The following DAAM1 variants were observed in gnomAD, a reference collection of about 807,000 sequenced individuals.
DAAM1 encodes disheveled-associated activator of morphogenesis 1.
DAAM1 carries 52 observed loss-of-function variants against 130.0 expected under a neutral mutation model. That is an observed-to-expected ratio of 0.40 (90% CI 0.32 to 0.50). The LOEUF is 0.50. DAAM1 is among the 20% of genes least tolerant of loss of function. The pLI is 0.61. For synonymous variants in DAAM1, 452 were observed against 444.5 expected (o/e 1.02, Z -0.21); for missense variants, 1,134 against 1,303.8 (o/e 0.87, Z 2.01).
chr14:59,207,864 GA>G (rs1418107961), intron 1 of DAAM1, among the ~76,000 whole-genome samples: 2 of 152,106 alleles, frequency 1.3e-5, no homozygotes, highest in Admixed American at 6.6e-5. Context: ...GTTTTTTCCT[GA>G]CAGCAGTCCC....
At chr14:59,263,338 AGT>A (rs1882268120) in intron 1 of DAAM1, 101 bp from the exon 2 acceptor site, 1 of 956,806 alleles carries the variant, frequency 1.0e-6, no homozygotes, top group Non-Finnish European at 1.6e-6. Context: ...GGGCGCACAC[AGT>A]GTCGTCAGCA....
chr14:59,355,295 C>T lies in DAAM1; in HGVS notation c.2487C>T (p.Ser829=). The T allele has an allele frequency of 6.2e-7, 1 of 1,613,876 alleles. No individual in the cohort carries two copies. ...ATGCATATGGATTCAAGATATCTAG[C>T]CTAAACAAAATTGCTGACACAAAAT... The part of the protein sequence containing the change: ...RGNAYGFKIS[S]LNKIADTKSS... Residue 829 remains serine (S), a synonymous_variant, in exon 20 of 25, where the codon AGC becomes AGT. Transcript: ENST00000360909.
intron 1 of DAAM1, among the ~76,000 whole-genome samples, chr14:59,195,206 C>CAG (rs1887848921): frequency 7.2e-6 from 1 of 139,522 alleles, no homozygotes; most frequent in Non-Finnish European, 1.5e-5. Context: ...TGCAGTGGTG[C>CAG]GATCTCAGCT....
In DAAM1 at chr14:59,320,481, T is replaced by A. The variant is rs1884962978; in HGVS notation, c.346-9T>A. 6.3e-7 allele frequency: 1 copy of A among 1,590,646 alleles called. No homozygotes were observed. The highest frequency in any genetic ancestry group is 1.4e-5 in the African/African-American group (1 of 73,374). On this transcript the variant is annotated splice_polypyrimidine_tract_variant and intron_variant, in intron 4 of 24. Transcript: ENST00000360909. ...ATTTGAAGAAGTAACTTCTGTTTTC[T>A]TTGCATAGAGAAAATCTCTGCTGGC... is the stretch of plus-strand genomic sequence containing the variant.
At chr14:59,361,492 C>T (rs2139684384) in intron 22 of DAAM1, among the ~76,000 whole-genome samples, 1 of 152,310 alleles carries the variant, frequency 6.6e-6, no homozygotes, top group Admixed American at 6.5e-5. Context: ...TTGGAGGAAG[C>T]TTCTCTTTTG....
chr14:59,255,852 A>G (rs1371638320), intron 1 of DAAM1, among the ~76,000 whole-genome samples: 1 of 152,192 alleles, frequency 6.6e-6, no homozygotes, highest in Non-Finnish European at 1.5e-5. Context: ...ATCTTGATTC[A>G]TATAATAGAA....
rs756081795 is a variant in DAAM1 at position 59,354,217 on chromosome 14, C to G, written c.2356+253C>G. On this transcript the variant is annotated intron_variant, in intron 19 of 24. Coordinates refer to ENST00000360909, the MANE Select transcript of DAAM1 (RefSeq NM_001270520.2). ...CTGGGACTACAGGTGCCTGCCACCA[C>G]GCCTGGCTAATTTTTTGTACTTTTA... Among the ~76,000 whole-genome samples the G allele has an allele frequency of 4.6e-5, 7 of 152,118 alleles. No individual in the cohort carries two copies. In the East Asian group the frequency reaches 1.4e-3, roughly 29 times the overall value.
chr14:59,231,564 C>T (rs997183678), intron 1 of DAAM1, among the ~76,000 whole-genome samples: 1 of 152,090 alleles, frequency 6.6e-6, no homozygotes, highest in African/African-American at 2.4e-5. Flanking sequence ...AAGACGTTGG[C>T]TCTAGAGTCA....
chr14:59,282,906 G>A (rs1423022173), intron 2 of DAAM1, among the ~76,000 whole-genome samples: 1 of 152,052 alleles, frequency 6.6e-6, no homozygotes, highest in Non-Finnish European at 1.5e-5. Context: ...CATATGCAGA[G>A]ACCCTACAGT....
At chr14:59,348,438 G>C (rs899338833) in intron 17 of DAAM1, among the ~76,000 whole-genome samples, 2 of 152,086 alleles carry the variant, frequency 1.3e-5, no homozygotes, top group African/African-American at 4.8e-5. Context: ...CCTGCCCCTT[G>C]GTCTGGGCCT....
chr14:59,312,695 A>G (rs1213661619), intron 3 of DAAM1, among the ~76,000 whole-genome samples: 1 of 152,228 alleles, frequency 6.6e-6, no homozygotes, highest in Non-Finnish European at 1.5e-5. Context: ...GCCACTGACC[A>G]GAAATTTGGA....
At chr14:59,290,941 G>A (rs1221312738) in intron 2 of DAAM1, among the ~76,000 whole-genome samples, 1 of 152,140 alleles carries the variant, frequency 6.6e-6, no homozygotes, top group Non-Finnish European at 1.5e-5. Flanking sequence ...GCTCAGGATG[G>A]ATAATTCTGT....
chr14:59,344,789 G>T (rs1161321942), intron 16 of DAAM1, among the ~76,000 whole-genome samples: 2 of 152,156 alleles, frequency 1.3e-5, no homozygotes, highest in Non-Finnish European at 2.9e-5. Flanking sequence ...AAGAAGTTCT[G>T]TGCTCCATAT....
chr14:59,229,894 G>A (rs1199475276), intron 1 of DAAM1, among the ~76,000 whole-genome samples: 1 of 152,208 alleles, frequency 6.6e-6, no homozygotes, highest in Non-Finnish European at 1.5e-5. Flanking sequence ...TCACCAGGTT[G>A]AAGTGAATGC....
chr14:59,217,049 T>C (rs1273910956), intron 1 of DAAM1, among the ~76,000 whole-genome samples: 4 of 152,202 alleles, frequency 2.6e-5, no homozygotes, highest in South Asian at 2.1e-4. Context: ...CCACGTTTGT[T>C]TGTCTTGCAT....
At chr14:59,190,167 C>G (rs898273628) in intron 1 of DAAM1, among the ~76,000 whole-genome samples, 1 of 152,092 alleles carries the variant, frequency 6.6e-6, no homozygotes, top group African/African-American at 2.4e-5. Flanking sequence ...CTCTCTCCTC[C>G]TCGCCCCTTT....
Position 59,352,373 on chromosome 14 carries a change from A to T in DAAM1, c.2161-153A>T, listed in dbSNP as rs1020879368. On this transcript the variant is annotated intron_variant, in intron 17 of 24. Coordinates refer to ENST00000360909, the MANE Select transcript of DAAM1 (RefSeq NM_001270520.2). ...TTCCAAGTAAAAATGAAAAGATTTA[A>T]TCATTTCTATTGTATCTTAACCTGT... Among the ~76,000 whole-genome samples, 3 of 152,230 alleles carry T rather than the reference A, an allele frequency of 2.0e-5. No individual in the cohort carries two copies. In the East Asian group the frequency reaches 5.8e-4, roughly 29 times the overall value.
intron 1 of DAAM1, among the ~76,000 whole-genome samples, chr14:59,198,440 G>A (rs923578171): frequency 2.6e-5 from 4 of 152,082 alleles, no homozygotes; most frequent in Non-Finnish European, 2.9e-5. Flanking sequence ...TCCTGACCTT[G>A]TGATCCGCCT....
At chr14:59,323,974 G>A (rs1252664278) in intron 6 of DAAM1, among the ~76,000 whole-genome samples, 154 bp from the exon 7 acceptor site, 3 of 151,828 alleles carry the variant, frequency 2.0e-5, no homozygotes, top group Non-Finnish European at 2.9e-5. Context: ...GGAGGTTGCC[G>A]TGAGCTGAGA....
Sources: allele counts gnomAD v4.1 joint callset (sites outside exome capture counted in the v4.1 genomes callset), GRCh38; gene constraint gnomAD v4.1.1; transcripts MANE v1.5; gene names NCBI Gene and HGNC (gene_info 2026-07-23, HGNC 2026-07-21).